The following LOXHD1 variants were observed in gnomAD, a reference collection of about 807,000 sequenced individuals.
LOXHD1 encodes lipoxygenase homology domain-containing protein 1.
A neutral mutation model predicts 248.2 loss-of-function variants in LOXHD1; 205 were observed. The observed-to-expected ratio is 0.83, with a 90% CI of 0.74 to 0.93. The LOEUF (loss-of-function observed/expected upper bound fraction) is 0.93. Ranked by LOEUF, LOXHD1 falls within the 40% of genes least tolerant of loss-of-function variation. The pLI is 0.00. For missense variants in LOXHD1, 2,930 were observed against 2,971.6 expected, an observed-to-expected ratio of 0.99 and a Z score of 0.33; for synonymous variants, 1,113 against 1,162.8, an observed-to-expected ratio of 0.96 and a Z score of 0.87.
rs553640870 is a variant in LOXHD1, at chr18:46,580,720, A to G, written c.1655-936T>C. On this transcript the variant is annotated intron_variant, in intron 12 of 40. Coordinates refer to ENST00000642948, the MANE Select transcript of LOXHD1 (RefSeq NM_001384474.1). ...GTTATATCTGTAACTAAGATAACAC[A>G]GTGGAGGGACATCTTGGAGTGGTAA... Among the ~76,000 whole-genome samples, 24 of 152,380 alleles carry G rather than the reference A, an allele frequency of 1.6e-4. No individual in the cohort carries two copies. In the East Asian group the frequency reaches 4.2e-3, roughly 27 times the overall value.
intron 37 of LOXHD1, among the ~76,000 whole-genome samples, chr18:46,499,542 A>T (rs2034093393): frequency 6.6e-6 from 1 of 152,238 alleles, no homozygotes; most frequent in Non-Finnish European, 1.5e-5. Flanking sequence ...TGAATGTACC[A>T]TGCCATTCTT....
At chr18:46,558,025 T>C (rs1157581671) in intron 20 of LOXHD1, 2 of 989,420 alleles carry the variant, frequency 2.0e-6, no homozygotes, top group Non-Finnish European at 2.4e-6. Flanking sequence ...CACTGCTCCA[T>C]GCACGGGAGG....
At chr18:46,640,593 A>T (rs1180763169) in intron 3 of LOXHD1, among the ~76,000 whole-genome samples, 3 of 152,230 alleles carry the variant, frequency 2.0e-5, no homozygotes, top group African/African-American at 7.2e-5. Flanking sequence ...TACCATCTCA[A>T]CATATAATTA....
intron 4 of LOXHD1, among the ~76,000 whole-genome samples, chr18:46,626,912 ATAGAT>A (rs2038750336): frequency 1.3e-5 from 2 of 152,236 alleles, no homozygotes; most frequent in Non-Finnish European, 2.9e-5. Context: ...AGGTGGATGG[ATAGAT>A]TAGATTAAGA....
chr18:46,529,077 T>G, intron 29 of LOXHD1, 100 bp downstream of exon 29: 1 of 1,407,254 alleles, frequency 7.1e-7, no homozygotes, highest in South Asian at 1.3e-5. Context: ...CAATGCCCCA[T>G]GGAGTTCCTG....
intron 13 of LOXHD1, 113 bp downstream of exon 13, chr18:46,579,517 G>T (rs1285479893): frequency 1.4e-6 from 2 of 1,393,934 alleles, no homozygotes; most frequent in Middle Eastern, 2.0e-4. Flanking sequence ...GCTCCTGATG[G>T]CTGAGGCCCC....
chr18:46,559,358 CA>C (rs1223401285), intron 20 of LOXHD1, 89 bp downstream of exon 20: 1 of 1,549,474 alleles, frequency 6.5e-7, no homozygotes, highest in Non-Finnish European at 8.7e-7. Flanking sequence ...CCAAACACAG[CA>C]GCCATTGTGC....
At position 46,579,703 on chromosome 18, in the gene LOXHD1, C is replaced by T. The variant is rs903294457; in HGVS notation, c.1736G>A (p.Gly579Asp). 6 of 1,551,774 alleles carry T rather than the reference C, an allele frequency of 3.9e-6. No individual in the cohort carries two copies. In the East Asian group the frequency reaches 1.5e-4, roughly 38 times the overall value. ...CCGTTCCCCCGTGTCCCCCACATCA[C>T]CAAAAAGGCAGAGATAGACGTTGGC... ...TDANVYLCLF[G>D]DVGDTGERLL... The change falls in exon 13 of 41, where the codon GGT (glycine) becomes GAT (aspartate). Residue 579 changes from glycine (G) to aspartate (D), a missense_variant. Gly to Asp is a moderately conservative substitution (Grantham distance 94). Transcript: ENST00000642948.
chr18:46,484,377 G>A (rs2032859462), intron 39 of LOXHD1, among the ~76,000 whole-genome samples: 5 of 152,128 alleles, frequency 3.3e-5, no homozygotes, highest in Admixed American at 3.3e-4. Context: ...GGTCATGAGA[G>A]CTGAGCCCTC....
chr18:46,560,584 C>A (rs1333585058), intron 18 of LOXHD1, 39 bp from the exon 19 acceptor site: 1 of 1,485,798 alleles, frequency 6.7e-7, no homozygotes, highest in East Asian at 2.5e-5. Flanking sequence ...GTGGCCCCAG[C>A]GTCCTCCCCA....
chr18:46,601,499 C>A, intron 7 of LOXHD1, 32 bp from the exon 8 acceptor site: 1 of 1,551,570 alleles, frequency 6.4e-7, no homozygotes, highest in South Asian at 1.2e-5. Context: ...AGAGAGTGTT[C>A]AATGTGAGCT....
rs1416707556 is a variant in LOXHD1 at position 46,520,864 on chromosome 18, C to A, written c.5271+233G>T. ...TATTTCTAAGCAGTGTATGGGAAGA[C>A]CAAGGCCCAGAGAAATGAGATGACT... On this transcript the variant is annotated intron_variant, in intron 33 of 40. Transcript: ENST00000642948. The A allele has an allele frequency of 9.2e-6, 5 of 543,882 alleles. No individual in the cohort carries two copies. The Admixed American group carries it at 9.2e-5, about 10-fold the overall frequency. The allele number at this position is 543,882 out of a possible 1,614,324, so 33.7% of individuals were successfully genotyped here.
At chr18:46,606,341 TAC>T (rs139309417) in intron 6 of LOXHD1, among the ~76,000 whole-genome samples, 34 of 150,408 alleles carry the variant, frequency 2.3e-4, no homozygotes, top group African/African-American at 5.6e-4. Context: ...TGTATATATA[TAC>T]ACACACACAC....
At chr18:46,505,741 G>T (rs2034520892) in intron 37 of LOXHD1, 97 bp downstream of exon 37, 2 of 1,297,172 alleles carry the variant, frequency 1.5e-6, no homozygotes, top group South Asian at 1.4e-5. Flanking sequence ...GCCACCCTGG[G>T]GTAATCAGAG....
At chr18:46,502,564 A>G (rs1410230165) in intron 37 of LOXHD1, among the ~76,000 whole-genome samples, 2 of 152,172 alleles carry the variant, frequency 1.3e-5, no homozygotes, top group Admixed American at 1.3e-4. Context: ...GCACCAAGGA[A>G]AGAACCTGGA....
chr18:46,643,317 G>T (rs664633), intron 2 of LOXHD1, among the ~76,000 whole-genome samples: 1 of 152,170 alleles, frequency 6.6e-6, no homozygotes, highest in Admixed American at 6.5e-5. Flanking sequence ...GCTTGCTGCA[G>T]GTACCTTAGG....
intron 2 of LOXHD1, among the ~76,000 whole-genome samples, chr18:46,647,091 C>T (rs1330681977): frequency 6.6e-6 from 1 of 152,222 alleles, no homozygotes; most frequent in Non-Finnish European, 1.5e-5. Flanking sequence ...CATATATAGG[C>T]AGAGACTACC....
At chr18:46,594,823 A>G (rs1009771317) in intron 8 of LOXHD1, among the ~76,000 whole-genome samples, 1 of 152,240 alleles carries the variant, frequency 6.6e-6, no homozygotes, top group African/African-American at 2.4e-5. Flanking sequence ...TCTTGTAGGA[A>G]AAAGGTAAGT....
chr18:46,499,177 T>C (rs1279442605), intron 37 of LOXHD1, among the ~76,000 whole-genome samples: 1 of 152,192 alleles, frequency 6.6e-6, no homozygotes, highest in Non-Finnish European at 1.5e-5. Flanking sequence ...CAGTTCAGTG[T>C]TGTGAGTGCT....
Sources: allele counts gnomAD v4.1 joint callset (sites outside exome capture counted in the v4.1 genomes callset), GRCh38; gene constraint gnomAD v4.1.1; transcripts MANE v1.5; gene names NCBI Gene and HGNC (gene_info 2026-07-23, HGNC 2026-07-21).